MSRB3: variants seen among roughly 807,000 people sequenced by gnomAD.
The protein encoded by MSRB3 is methionine sulfoxide reductase B3.
MSRB3 carries 13 observed loss-of-function variants against 21.0 expected under a neutral mutation model. The observed-to-expected ratio is 0.62, with a 90% CI of 0.40 to 0.98. The LOEUF is 0.98. Ranked by LOEUF, MSRB3 falls within the 50% of genes least tolerant of loss-of-function variation. MSRB3 has a pLI of 0.00. For synonymous variants in MSRB3, 87 were observed against 88.6 expected, an observed-to-expected ratio of 0.98 and a Z score of 0.10; for missense variants, 199 against 230.3, an observed-to-expected ratio of 0.86 and a Z score of 0.88.
intron 5 of MSRB3, among the ~76,000 whole-genome samples, chr12:65,383,228 A>G (rs1234341385): frequency 6.6e-6 from 1 of 152,218 alleles, no homozygotes; most frequent in Non-Finnish European, 1.5e-5. Context: ...TTTGTTGATC[A>G]CACACTCTGA....
chr12:65,459,516 A>G (rs1165374812), intron 6 of MSRB3, among the ~76,000 whole-genome samples: 1 of 152,166 alleles, frequency 6.6e-6, no homozygotes, highest in Non-Finnish European at 1.5e-5. Context: ...AGCACAGAGG[A>G]AAAAAAGCCC....
intron 5 of MSRB3, among the ~76,000 whole-genome samples, chr12:65,429,568 T>G (rs954612000): frequency 6.6e-6 from 1 of 152,166 alleles, no homozygotes; most frequent in Non-Finnish European, 1.5e-5. Flanking sequence ...TTCTGCATAT[T>G]TTGTCCTTAT....
intron 1 of MSRB3, among the ~76,000 whole-genome samples, chr12:65,299,875 A>G (rs1873205104): frequency 6.6e-6 from 1 of 152,200 alleles, no homozygotes. Context: ...ATATTTGTCC[A>G]TAGGTTGTCT....
intron 5 of MSRB3, among the ~76,000 whole-genome samples, chr12:65,429,807 G>A (rs1881791835): frequency 6.6e-6 from 1 of 152,156 alleles, no homozygotes; most frequent in Non-Finnish European, 1.5e-5. Flanking sequence ...TGATTGCAGA[G>A]GAACTGGATA....
chr12:65,392,407 G>A (rs1879530996), intron 5 of MSRB3, among the ~76,000 whole-genome samples: 1 of 152,184 alleles, frequency 6.6e-6, no homozygotes, highest in Non-Finnish European at 1.5e-5. Flanking sequence ...ATAAAAGAGT[G>A]AATCAAGGAC....
chr12:65,386,005 C>T (rs1287180019), intron 5 of MSRB3, among the ~76,000 whole-genome samples: 2 of 151,850 alleles, frequency 1.3e-5, no homozygotes, highest in East Asian at 3.8e-4. Context: ...AACTTTAGTA[C>T]ACTTTTGTCT....
chr12:65,416,769 C>A (rs1378287722), intron 5 of MSRB3, among the ~76,000 whole-genome samples: 1 of 152,156 alleles, frequency 6.6e-6, no homozygotes, highest in Non-Finnish European at 1.5e-5. Context: ...CCATAGTTGA[C>A]CTAACTGTTG....
chr12:65,399,740 G>T (rs1880016591), intron 5 of MSRB3, among the ~76,000 whole-genome samples: 1 of 152,138 alleles, frequency 6.6e-6, no homozygotes, highest in Non-Finnish European at 1.5e-5. Context: ...CTGTGGGTTT[G>T]TCATAAATAG....
chr12:65,359,330 G>A (rs976944779), intron 4 of MSRB3, among the ~76,000 whole-genome samples: 2 of 151,986 alleles, frequency 1.3e-5, no homozygotes, highest in South Asian at 4.1e-4. Flanking sequence ...TAAACTTTTA[G>A]AGTCTGTCAG....
At chr12:65,351,876 T>C (rs904744017) in intron 4 of MSRB3, among the ~76,000 whole-genome samples, 6 of 151,986 alleles carry the variant, frequency 3.9e-5, no homozygotes, top group East Asian at 1.9e-4. Flanking sequence ...CCGAATTCTA[T>C]CAGAGGTACA....
intron 4 of MSRB3, among the ~76,000 whole-genome samples, chr12:65,331,056 T>C (rs1292415133): frequency 3.3e-5 from 5 of 152,206 alleles, no homozygotes; most frequent in African/African-American, 1.2e-4. Context: ...TGCTCAGTGA[T>C]CTAAATATGT....
At chr12:65,396,031 T>C (rs1335272897) in intron 5 of MSRB3, among the ~76,000 whole-genome samples, 1 of 152,180 alleles carries the variant, frequency 6.6e-6, no homozygotes, top group Non-Finnish European at 1.5e-5. Context: ...TTTTTTCTTT[T>C]CTTTTGCTTA....
chr12:65,359,512 A>G (rs934407930), intron 4 of MSRB3, among the ~76,000 whole-genome samples: 1 of 152,142 alleles, frequency 6.6e-6, no homozygotes, highest in Non-Finnish European at 1.5e-5. Context: ...CAGAGAACAC[A>G]TGGCAAGTGT....
At chr12:65,328,160 C>A (rs143924435) in intron 3 of MSRB3, among the ~76,000 whole-genome samples, 2 of 152,216 alleles carry the variant, frequency 1.3e-5, no homozygotes, top group Non-Finnish European at 1.5e-5. Context: ...GTCTTGGACC[C>A]TTCTGCATTT....
intron 2 of MSRB3, among the ~76,000 whole-genome samples, chr12:65,321,073 T>C (rs1874631584): frequency 6.6e-6 from 1 of 152,182 alleles, no homozygotes; most frequent in Non-Finnish European, 1.5e-5. Flanking sequence ...TTTAAGATTA[T>C]AATCCTTATT....
chr12:65,431,230 G>A (rs978419939), intron 5 of MSRB3, among the ~76,000 whole-genome samples: 3 of 151,988 alleles, frequency 2.0e-5, no homozygotes, highest in African/African-American at 7.2e-5. Flanking sequence ...GGGGAGCTGG[G>A]TCACAGGTTG....
chr12:65,407,204 G>C (rs1233842321), intron 5 of MSRB3, among the ~76,000 whole-genome samples: 17 of 151,924 alleles, frequency 1.1e-4, no homozygotes, highest in Admixed American at 1.1e-3. Context: ...ACACACAATG[G>C]GAAAGGACAG....
At chr12:65,415,242 G>C (rs551424620) in intron 5 of MSRB3, among the ~76,000 whole-genome samples, 2 of 152,282 alleles carry the variant, frequency 1.3e-5, no homozygotes, top group Admixed American at 1.3e-4. Context: ...TTTATAATTT[G>C]ACCAAACCCC....
At chr12:65,372,424 C>T (rs1878379055) in intron 5 of MSRB3, among the ~76,000 whole-genome samples, 1 of 152,144 alleles carries the variant, frequency 6.6e-6, no homozygotes. Context: ...ACTCAATCAC[C>T]TAAAGTTTTT....
Sources: allele counts gnomAD v4.1 joint callset (sites outside exome capture counted in the v4.1 genomes callset), GRCh38; gene constraint gnomAD v4.1.1; transcripts MANE v1.5; gene names NCBI Gene and HGNC (gene_info 2026-07-23, HGNC 2026-07-21).